Variants in ATP1B4 observed in about 807,000 individuals in gnomAD.
The protein encoded by ATP1B4 is protein ATP1B4.
Under a neutral mutation model 29.6 loss-of-function variants are expected in ATP1B4, and 32 were observed. That is an observed-to-expected ratio of 1.08 (90% CI 0.82 to 1.45). The LOEUF is 1.45. ATP1B4 is among the 40% of genes most tolerant of loss of function. The pLI is 0.00. For missense variants in ATP1B4, 323 were observed against 276.2 expected (o/e 1.17, Z -1.20); for synonymous variants, 127 against 102.1 (o/e 1.24, Z -1.47).
chrX:120,371,592 A>T (rs2058313870), intron 4 of ATP1B4, among the ~76,000 whole-genome samples: 1 of 111,949 alleles, frequency 8.9e-6, no homozygotes, highest in African/African-American at 3.3e-5. Flanking sequence ...CAGAGCTGAA[A>T]GATTCCTATC....
rs1491579112 is a variant in ATP1B4, at chrX:120,374,761, ATT to A, written c.563-610_563-609del. Reference sequence around the variant, plus strand: ...TATATATAAGGGTGTATATATATATATTATATATATATAATATATATATATTA... The same window carrying A: ...TATATATAAGGGTGTATATATATATAATATATATATAATATATATATATTA... On this transcript the variant is annotated intron_variant, in intron 4 of 7. Coordinates refer to ENST00000218008, the MANE Select transcript of ATP1B4 (RefSeq NM_001142447.3). Among the ~76,000 whole-genome samples, 52 of 29,113 alleles carry A rather than the reference ATT, an allele frequency of 1.8e-3. 3 individuals carry two copies. The highest frequency in any genetic ancestry group is 7.3e-3 in the African/African-American group (52 of 7,137). 25.3% of individuals were successfully genotyped at this position (29,113 alleles called of 115,157 possible). A position where few individuals can be genotyped will look rare whatever the true frequency, so the allele number is the denominator to read the frequency against.
chrX:120,366,621 G>A lies in ATP1B4; in HGVS notation c.160G>A (p.Glu54Lys), dbSNP rs2058287544. ...RVTVVPKSEE[E>K]EEEEEKEEEE... ...GACGGTGGTGCCCAAATCGGAGGAG[G>A]AGGAAGAAGAGGAGGAGAAAGAAGA... Residue 54 changes from glutamate (E) to lysine (K), a missense_variant, in exon 2 of 8, where the codon GAG (glutamate) becomes AAG (lysine). Coordinates refer to ENST00000218008, the MANE Select transcript of ATP1B4 (RefSeq NM_001142447.3). The A allele has an allele frequency of 8.3e-7, 1 of 1,204,993 alleles. No homozygotes were observed. The highest frequency in any genetic ancestry group is 1.7e-5 in the African/African-American group (1 of 57,431).
chrX:120,363,301 C>G (rs1181875898), intron 1 of ATP1B4, among the ~76,000 whole-genome samples: 1 of 112,285 alleles, frequency 8.9e-6, no homozygotes, highest in East Asian at 2.8e-4. Context: ...TTTGAAGAAC[C>G]GTTTAACTTC....
chrX:120,379,350 C>A, intron 7 of ATP1B4, 123 bp from the exon 8 acceptor site: 4 of 644,663 alleles, frequency 6.2e-6, no homozygotes, highest in Non-Finnish European at 9.3e-6. Context: ...TGGCCATTTG[C>A]AAATTGGCAT....
rs936950156 is a variant in ATP1B4, at chrX:120,370,824, G to C, written c.438G>C (p.Thr146=). The C allele has an allele frequency of 2.5e-6, 3 of 1,208,814 alleles. No individual in the cohort carries two copies. In the African/African-American group the frequency reaches 5.3e-5, roughly 21 times the overall value. The change falls in exon 3 of 8, where the codon ACG becomes ACC. Residue 146 remains threonine, a synonymous_variant. Transcript: ENST00000218008. ...TCAGTCCCTATATACCAACCTTCAC[G>C]GAGCGGGTAAAGCCTCCTGGTGAGT... ...LTISPYIPTF[T]ERVKPPGVMI...
intron 2 of ATP1B4, 77 bp downstream of exon 2, chrX:120,366,866 C>T (rs758505872): frequency 3.2e-5 from 37 of 1,144,670 alleles, no homozygotes; most frequent in Admixed American, 5.3e-5. Flanking sequence ...CTTTACCATA[C>T]GCTGGATGGG....
At chrX:120,374,730 T>A (rs867469676) in intron 4 of ATP1B4, among the ~76,000 whole-genome samples, 29 of 67,415 alleles carry the variant, frequency 4.3e-4, no homozygotes, top group Non-Finnish European at 6.7e-4. Flanking sequence ...AATATATATA[T>A]TATATTATAT....
At position 120,382,942 on chromosome X, in the gene ATP1B4, G is replaced by A. The variant is rs944356876; in HGVS notation, c.*3308G>A. The A allele has an allele frequency of 1.8e-5, 2 of 112,122 alleles. No homozygotes were observed. The highest frequency in any genetic ancestry group is 6.5e-5 in the African/African-American group (2 of 30,857). 9.2% of individuals were successfully genotyped at this position (112,122 alleles called of 1,213,427 possible). A position where few individuals can be genotyped will look rare whatever the true frequency, so the allele number is the denominator to read the frequency against. On this transcript the variant is annotated 3_prime_UTR_variant, in exon 8 of 8. Coordinates refer to ENST00000218008, the MANE Select transcript of ATP1B4 (RefSeq NM_001142447.3). ...GTTCTAACTGTTCAATAGACTTCTA[G>A]TAGATTAATTTAAATAGTTCCCCAT...
chrX:120,364,301 A>G (rs1318267286), intron 1 of ATP1B4, among the ~76,000 whole-genome samples: 1 of 112,153 alleles, frequency 8.9e-6, no homozygotes, highest in Non-Finnish European at 1.9e-5. Context: ...CTTCAAATTC[A>G]CTGAGATTCT....
chrX:120,366,308 A>G (rs2058285226), intron 1 of ATP1B4, among the ~76,000 whole-genome samples: 1 of 111,739 alleles, frequency 8.9e-6, no homozygotes, highest in South Asian at 3.7e-4. Flanking sequence ...CTCTATGGAA[A>G]GAATACTGAG....
At chrX:120,367,004 C>T (rs2058289572) in intron 2 of ATP1B4, among the ~76,000 whole-genome samples, 1 of 112,439 alleles carries the variant, frequency 8.9e-6, no homozygotes, top group Non-Finnish European at 1.9e-5. Flanking sequence ...GTAACCAAAA[C>T]CCACTGGGCT....
chrX:120,363,348 T>C (rs1340343130), intron 1 of ATP1B4, among the ~76,000 whole-genome samples: 2 of 112,625 alleles, frequency 1.8e-5, no homozygotes, highest in Non-Finnish European at 3.7e-5. Context: ...ACAGTTACAA[T>C]CTGCAGGGGT....
intron 5 of ATP1B4, 115 bp downstream of exon 5, chrX:120,375,683 C>T: frequency 3.3e-6 from 2 of 604,425 alleles, no homozygotes; most frequent in South Asian, 7.4e-5. Context: ...GGCCATTTTT[C>T]TGACAGTATC....
intron 2 of ATP1B4, among the ~76,000 whole-genome samples, chrX:120,367,604 A>G (rs1001297351): frequency 2.3e-4 from 26 of 111,384 alleles, no homozygotes; most frequent in Non-Finnish European, 4.9e-4. Flanking sequence ...CAGCCCAGAA[A>G]AAGAGCAGCT....
At chrX:120,370,693 C>G (rs2058308426) in intron 2 of ATP1B4, 22 bp from the exon 3 acceptor site, 3 of 1,206,531 alleles carry the variant, frequency 2.5e-6, no homozygotes, top group South Asian at 3.6e-5. Context: ...ACTGACCACT[C>G]TCATCTGTGA....
rs756223782 is a variant in ATP1B4, at chrX:120,378,755, C to A, written c.894C>A (p.Tyr298Ter). ...SASFDLRYYP[Y>*]YGKLTHVNYT... The stretch of plus-strand genomic sequence containing the variant: ...CTTTTGACCTCCGCTACTACCCTTA[C>A]TACGGCAAACTGACTCACGTAAGCT... The change falls in exon 7 of 8, where the codon TAC becomes TAA. Residue 298 changes from tyrosine to a stop codon, truncating the protein, a stop_gained. Transcript: ENST00000218008. LOFTEE classifies it high-confidence loss of function. 1 of 1,209,230 alleles carries A rather than the reference C, an allele frequency of 8.3e-7. No homozygotes were observed. The highest frequency in any genetic ancestry group is 1.8e-5 in the South Asian group (1 of 56,910).
intron 3 of ATP1B4, 108 bp from the exon 4 acceptor site, chrX:120,370,998 G>T (rs143471727): frequency 9.8e-7 from 1 of 1,023,262 alleles, no homozygotes; most frequent in Admixed American, 2.5e-5. Context: ...GGCAAATTAT[G>T]GTTCTTTTCA....
rs2058386305 is a variant in ATP1B4, at chrX:120,382,797, T to A, written c.*3163T>A. The A allele has an allele frequency of 8.9e-6, 1 of 112,367 alleles. No individual in the cohort carries two copies. Among genetic ancestry groups the A allele is most frequent in the South Asian group, 3.7e-4 (1 of 2,737 alleles). The allele number at this position is 112,367 out of a possible 1,213,427, so 9.3% of individuals were successfully genotyped here. A position where few individuals can be genotyped will look rare whatever the true frequency, so the allele number is the denominator to read the frequency against. ...ATTTATCTTTCAATGGAATCCATTG[T>A]GTCCACAATTGCAAAGCAATATTGA... is the stretch of plus-strand genomic sequence containing the variant. On this transcript the variant is annotated 3_prime_UTR_variant, in exon 8 of 8. Coordinates refer to ENST00000218008, the MANE Select transcript of ATP1B4 (RefSeq NM_001142447.3).
intron 1 of ATP1B4, among the ~76,000 whole-genome samples, chrX:120,365,074 C>T (rs1317740092): frequency 9.0e-6 from 1 of 111,559 alleles, no homozygotes; most frequent in African/African-American, 3.3e-5. Flanking sequence ...CCTCTAGGCA[C>T]TTGTGCTCAA....
Sources: gnomAD v4.1 joint callset for allele counts (sites outside exome capture counted in the v4.1 genomes callset) on GRCh38, gnomAD v4.1.1 for gene constraint, MANE v1.5 for transcripts, NCBI Gene and HGNC (gene_info 2026-07-23, HGNC 2026-07-21) for gene names.